The following NR1H3 variants were observed in gnomAD, a reference collection of about 807,000 sequenced individuals.
NR1H3 encodes the protein nuclear receptor subfamily 1 group H member 3.
A neutral mutation model predicts 48.1 loss-of-function variants in NR1H3; 19 were observed. The ratio of observed to expected loss-of-function variants is 0.40; its 90% CI spans 0.28 to 0.58. The LOEUF is 0.58. NR1H3 is among the 20% of genes least tolerant of loss of function. The pLI is 0.50. For synonymous variants in NR1H3, 232 were observed against 227.3 expected (o/e 1.02, Z -0.19); for missense variants, 486 against 595.9 (o/e 0.82, Z 1.92).
At chr11:47,254,531 G>T (rs1198006904), upstream of NR1H3, among the ~76,000 whole-genome samples, 1 of 152,168 alleles carries the variant, frequency 6.6e-6, no homozygotes, top group Non-Finnish European at 1.5e-5. Flanking sequence ...GAGAGGAATG[G>T]AGAGCCTTGT....
Position 47,259,963 on chromosome 11 carries a change from C to T in NR1H3, c.216C>T (p.Pro72=), listed in dbSNP as rs1410656088. The change falls in exon 3 of 10, where the codon CCC becomes CCT. Residue 72 remains proline, a synonymous_variant. Transcript: ENST00000441012. The stretch of plus-strand genomic sequence containing the variant: ...CAGCCCTGCTCACCAGGGCAGAGCC[C>T]CCTTCAGAACCCACAGGTGAGGAGC... The part of the protein sequence containing the change: ...EPTALLTRAE[P]PSEPTEIRPQ... 6.5e-7 allele frequency: 1 copy of T among 1,536,630 alleles called. No homozygotes were observed. The highest frequency in any genetic ancestry group is 8.7e-7 in the Non-Finnish European group (1 of 1,144,386).
chr11:47,259,554 C>A, intron 2 of NR1H3: 2 of 1,473,830 alleles, frequency 1.4e-6, no homozygotes, highest in Admixed American at 2.5e-5. Context: ...AATGCATACA[C>A]TCCAGCCCCC....
intron 1 of NR1H3, among the ~76,000 whole-genome samples, chr11:47,251,389 A>C (rs975737830): frequency 6.6e-6 from 1 of 152,020 alleles, no homozygotes; most frequent in Non-Finnish European, 1.5e-5. Context: ...AGGCGGGTGG[A>C]TCACCTGAGG....
upstream of NR1H3, among the ~76,000 whole-genome samples, chr11:47,253,134 C>CGCGTGTGTGTGTGTGTGTGT (rs1554980523): frequency 1.4e-5 from 2 of 147,654 alleles, no homozygotes; most frequent in Non-Finnish European, 3.0e-5. Flanking sequence ...AATTTTTGTG[C>CGCGTGTGTGTGTGTGTGTGT]GTGTGTGTGT....
intron 7 of NR1H3, 120 bp from the exon 8 acceptor site, chr11:47,267,793 G>A: frequency 1.4e-6 from 1 of 715,108 alleles, no homozygotes; most frequent in Admixed American, 2.1e-5. Context: ...ACAGGCGTGA[G>A]CCACTGTGCC....
At chr11:47,257,814 C>T (rs985395836), upstream of NR1H3, 36 of 198,596 alleles carry the variant, frequency 1.8e-4, no homozygotes, top group African/African-American at 6.1e-4. Context: ...GAGTAGGGGG[C>T]GGGAGTGGCG....
chr11:47,255,601 C>T (rs1302819212), upstream of NR1H3, among the ~76,000 whole-genome samples: 181 of 112,638 alleles, frequency 1.6e-3, no homozygotes, highest in Non-Finnish European at 2.4e-3. Context: ...TTCTTTCTCT[C>T]TCTCTCTCTC....
upstream of NR1H3, chr11:47,248,859 G>A: frequency 1.3e-6 from 2 of 1,551,428 alleles, no homozygotes; most frequent in Non-Finnish European, 1.7e-6. Flanking sequence ...CCGCCCGGAC[G>A]CACCCGTAAG....
At chr11:47,261,856 A>G (rs778414107) in intron 6 of NR1H3, 63 bp from the exon 7 acceptor site, 1 of 1,588,836 alleles carries the variant, frequency 6.3e-7, no homozygotes, top group Admixed American at 1.7e-5. Context: ...GCCTCCCTGG[A>G]AGAGGCCATG....
chr11:47,260,728 G>A (rs145779080), intron 4 of NR1H3, 53 bp downstream of exon 4: 144 of 1,531,742 alleles, frequency 9.4e-5, no homozygotes, highest in Non-Finnish European at 1.2e-4. Context: ...GAGGGGGCCA[G>A]GGTGTGACCC....
rs544903479 is a variant in NR1H3, at chr11:47,259,176, G to T, written c.-37-4G>T. The stretch of plus-strand genomic sequence containing the variant: ...GAAGAGTATAATCTGGGTCCTTCCT[G>T]CAGGACAGTGCCTTGGTAATGACCA... On this transcript the variant is annotated splice_region_variant and splice_polypyrimidine_tract_variant and intron_variant, in intron 1 of 9. Transcript: ENST00000441012. The T allele has an allele frequency of 6.8e-6, 11 of 1,614,010 alleles. No homozygotes were observed. The South Asian group carries it at 1.2e-4, about 18-fold the overall frequency.
rs1240150171 is a variant in NR1H3, at chr11:47,261,310, C to T, written c.569C>T (p.Thr190Ile). The change falls in exon 5 of 10, where the codon ACA becomes ATA. Residue 190 changes from threonine to isoleucine, a missense_variant. Physicochemically the swap from Thr to Ile is moderately conservative, Grantham distance 89. Transcript: ENST00000441012. The stretch of plus-strand genomic sequence containing the variant: ...CAAGAGGAGGAACAGGCTCATGCCA[C>T]ATCCTTGCCCCCCAGGGCTTCCTCA... ...KRQEEEQAHA[T>I]SLPPRASSPP... 3 of 1,614,110 alleles carry T rather than the reference C, an allele frequency of 1.9e-6. No individual in the cohort carries two copies. Among genetic ancestry groups the T allele is most frequent in the Non-Finnish European group, 2.5e-6 (3 of 1,180,028 alleles).
intron 9 of NR1H3, 72 bp from the exon 10 acceptor site, chr11:47,268,478 A>G (rs1219840527): frequency 2.5e-6 from 4 of 1,602,894 alleles, no homozygotes; most frequent in Non-Finnish European, 8.5e-7. Flanking sequence ...CACCTCTCCC[A>G]CAACTCCCCT....
At chr11:47,255,053 G>C (rs1247590725), upstream of NR1H3, among the ~76,000 whole-genome samples, 1 of 152,246 alleles carries the variant, frequency 6.6e-6, no homozygotes, top group African/African-American at 2.4e-5. Flanking sequence ...TGAATGACCA[G>C]CAGTAACCTC....
chr11:47,251,630 A>G lies in NR1H3; in HGVS notation c.-93+2631A>G, dbSNP rs575922452. 3.9e-5 allele frequency among the ~76,000 whole-genome samples: 6 copies of G among 152,180 alleles called. No individual in the cohort carries two copies. The South Asian group carries it at 1.2e-3, about 32-fold the overall frequency. ...CTGTCTCAAAAAAAAAAATAAAATA[A>G]AGAGGGCTTGGGTAATTGGCAAAAT... On this transcript the variant is annotated intron_variant, in intron 1 of 8. Coordinates refer to the NR1H3 transcript ENST00000395397.
intron 1 of NR1H3, among the ~76,000 whole-genome samples, chr11:47,251,169 A>G (rs75648244): frequency 2.6e-5 from 4 of 151,916 alleles, no homozygotes; most frequent in Non-Finnish European, 4.4e-5. Context: ...AAAAAAAAAA[A>G]GTCAGGTTTT....
At chr11:47,256,885 C>G (rs1955233798), upstream of NR1H3, among the ~76,000 whole-genome samples, 1 of 151,888 alleles carries the variant, frequency 6.6e-6, no homozygotes, top group Non-Finnish European at 1.5e-5. Flanking sequence ...CGCCTGCCAC[C>G]ATGCCCGGCT....
At chr11:47,253,746 G>T (rs1022176503), upstream of NR1H3, among the ~76,000 whole-genome samples, 2 of 152,170 alleles carry the variant, frequency 1.3e-5, no homozygotes, top group African/African-American at 4.8e-5. Flanking sequence ...GTTCTGGGGG[G>T]CCAGATATGT....
chr11:47,252,730 C>T (rs561231321), intron 1 of NR1H3, among the ~76,000 whole-genome samples: 2 of 151,828 alleles, frequency 1.3e-5, no homozygotes, highest in South Asian at 2.1e-4. Flanking sequence ...CCTGCCACCA[C>T]ACCTGGCTAA....
Sources: allele counts gnomAD v4.1 joint callset (sites outside exome capture counted in the v4.1 genomes callset), GRCh38; gene constraint gnomAD v4.1.1; transcripts MANE v1.5; gene names NCBI Gene and HGNC (gene_info 2026-07-23, HGNC 2026-07-21).